The following EEFSEC variants were observed in gnomAD, a reference collection of about 807,000 sequenced individuals.
EEFSEC encodes the protein selenocysteine-specific elongation factor.
Under a neutral mutation model 42.1 loss-of-function variants are expected in EEFSEC, and 43 were observed. The observed-to-expected ratio is 1.02, with a 90% CI of 0.80 to 1.32. EEFSEC has a LOEUF of 1.32. EEFSEC is among the 40% of genes most tolerant of loss of function. The pLI, the probability that EEFSEC is intolerant of heterozygous loss-of-function variation, is 0.00. For synonymous variants in EEFSEC, 354 were observed against 339.1 expected (o/e 1.04, Z -0.48); for missense variants, 745 against 803.6 (o/e 0.93, Z 0.88).
At chr3:128,190,843 G>A (rs1280275093) in intron 1 of EEFSEC, among the ~76,000 whole-genome samples, 1 of 152,190 alleles carries the variant, frequency 6.6e-6, no homozygotes, top group Non-Finnish European at 1.5e-5. Context: ...TACAGTTCAA[G>A]TACACAGATA....
chr3:128,274,821 T>C (rs2066451129), intron 4 of EEFSEC, among the ~76,000 whole-genome samples: 1 of 152,192 alleles, frequency 6.6e-6, no homozygotes, highest in Non-Finnish European at 1.5e-5. Flanking sequence ...CACGCCCCTC[T>C]GTATGGCCAG....
chr3:128,421,698 C>T, the EEFSEC span, among the ~76,000 whole-genome samples: 1 of 152,202 alleles, frequency 6.6e-6, no homozygotes, highest in East Asian at 1.9e-4. Flanking sequence ...GCGCATTCCT[C>T]CGGGCAGCCT....
At chr3:128,293,672 A>AAAAAAAAAAAAAC (rs2066670550) in intron 4 of EEFSEC, among the ~76,000 whole-genome samples, 1 of 12,330 alleles carries the variant, frequency 8.1e-5, no homozygotes, top group South Asian at 3.1e-3. Context: ...AAAAAAAAAA[A>AAAAAAAAAAAAAC]AAAAAAAAAA....
chr3:128,287,586 C>T (rs1027656176), intron 4 of EEFSEC, among the ~76,000 whole-genome samples: 1 of 152,202 alleles, frequency 6.6e-6, no homozygotes, highest in African/African-American at 2.4e-5. Flanking sequence ...TTTGAGAAAA[C>T]CCCAGAGACT....
chr3:128,314,551 C>T (rs2066924739), intron 4 of EEFSEC, among the ~76,000 whole-genome samples: 1 of 152,094 alleles, frequency 6.6e-6, no homozygotes, highest in Non-Finnish European at 1.5e-5. Flanking sequence ...GCCATGTTGG[C>T]CAGGCTGGTC....
intron 4 of EEFSEC, among the ~76,000 whole-genome samples, chr3:128,265,940 A>G (rs2066349544): frequency 6.6e-6 from 1 of 152,238 alleles, no homozygotes; most frequent in Non-Finnish European, 1.5e-5. Flanking sequence ...ATGCAGATAG[A>G]TAAATAGATA....
At chr3:128,174,102 G>A (rs992301206) in intron 1 of EEFSEC, among the ~76,000 whole-genome samples, 5 of 152,176 alleles carry the variant, frequency 3.3e-5, no homozygotes, top group Middle Eastern at 3.2e-3. Flanking sequence ...TGCTCTGGCC[G>A]CTGCTCTCAG....
intron 5 of EEFSEC, among the ~76,000 whole-genome samples, chr3:128,355,325 G>T (rs1267444439): frequency 2.0e-5 from 3 of 152,168 alleles, no homozygotes; most frequent in Non-Finnish European, 4.4e-5. Flanking sequence ...TGCCTGCAAT[G>T]TCGGGGAAGC....
chr3:128,412,789 G>C (rs985126953), downstream of EEFSEC, among the ~76,000 whole-genome samples: 1 of 152,250 alleles, frequency 6.6e-6, no homozygotes, highest in African/African-American at 2.4e-5. Context: ...AGTTGGGGCG[G>C]AGGCAGCAGT....
intron 4 of EEFSEC, among the ~76,000 whole-genome samples, chr3:128,301,212 G>C (rs765902868): frequency 1.3e-5 from 2 of 152,182 alleles, no homozygotes; most frequent in Admixed American, 6.5e-5. Flanking sequence ...AAGCCGTGGA[G>C]ACTTGCCAGT....
At chr3:128,253,778 A>G (rs1449134946) in intron 2 of EEFSEC, among the ~76,000 whole-genome samples, 2 of 152,076 alleles carry the variant, frequency 1.3e-5, no homozygotes, top group Admixed American at 6.6e-5. Flanking sequence ...CTGTGGGGGC[A>G]GTGTGTCATG....
chr3:128,418,943 G>T, the EEFSEC span, among the ~76,000 whole-genome samples: 1 of 152,146 alleles, frequency 6.6e-6, no homozygotes, highest in East Asian at 1.9e-4. Flanking sequence ...GACATCACAT[G>T]TCCCTCCCTG....
intron 4 of EEFSEC, among the ~76,000 whole-genome samples, chr3:128,285,302 G>C (rs2066571658): frequency 6.6e-6 from 1 of 152,176 alleles, no homozygotes; most frequent in Admixed American, 6.5e-5. Context: ...TGGTGCTGCA[G>C]AGCCTGGGAG....
rs559772024 is a variant in EEFSEC, at chr3:128,287,785, G to GA, written c.786+23012dup. Among the ~76,000 whole-genome samples, 1,325 of 152,036 alleles carry GA rather than the reference G, an allele frequency of 8.7e-3. 11 individuals carry two copies. The highest frequency in any genetic ancestry group is 0.012 in the Non-Finnish European group (824 of 67,970). On this transcript the variant is annotated intron_variant, in intron 4 of 6. Coordinates refer to ENST00000254730, the MANE Select transcript of EEFSEC (RefSeq NM_021937.5). ...TAGGTAATGGATTCTCAAGATAGGGGAAAAAAAATTCAAACTATGTAAAAG... is the reference window on the plus strand; with the variant it reads ...TAGGTAATGGATTCTCAAGATAGGGGAAAAAAAAATTCAAACTATGTAAAAG...
chr3:128,159,421 T>C (rs902995221), intron 1 of EEFSEC, among the ~76,000 whole-genome samples: 6 of 152,268 alleles, frequency 3.9e-5, no homozygotes. Flanking sequence ...TTCTGCCCCC[T>C]GCCTGCTTAT....
At chr3:128,413,096 G>A (rs937532165), downstream of EEFSEC, among the ~76,000 whole-genome samples, 2 of 152,168 alleles carry the variant, frequency 1.3e-5, no homozygotes, top group African/African-American at 4.8e-5. Context: ...CACAAACAGG[G>A]GGCAGAGGCC....
At chr3:128,155,263 C>T (rs561917276) in intron 1 of EEFSEC, among the ~76,000 whole-genome samples, 1 of 152,106 alleles carries the variant, frequency 6.6e-6, no homozygotes, top group Non-Finnish European at 1.5e-5. Flanking sequence ...TACAGGTGCA[C>T]ATCACCACAC....
At chr3:128,281,836 T>C (rs2066529442) in intron 4 of EEFSEC, among the ~76,000 whole-genome samples, 1 of 152,200 alleles carries the variant, frequency 6.6e-6, no homozygotes, top group Non-Finnish European at 1.5e-5. Context: ...ACTTGCACTC[T>C]CCGGTTCTCA....
At chr3:128,378,573 G>C (rs914721638) in intron 6 of EEFSEC, among the ~76,000 whole-genome samples, 1 of 152,224 alleles carries the variant, frequency 6.6e-6, no homozygotes, top group Non-Finnish European at 1.5e-5. Flanking sequence ...CTAGGATGGA[G>C]GAGTGTTTGT....
Sources: allele counts gnomAD v4.1 joint callset (sites outside exome capture counted in the v4.1 genomes callset), GRCh38; gene constraint gnomAD v4.1.1; transcripts MANE v1.5; gene names NCBI Gene and HGNC (gene_info 2026-07-23, HGNC 2026-07-21).